Variants in CAMK2D observed in about 807,000 individuals in gnomAD.
CAMK2D encodes calcium/calmodulin dependent protein kinase II delta, also known as calcium/calmodulin-dependent protein kinase type II subunit delta.
Under a neutral mutation model 84.0 loss-of-function variants are expected in CAMK2D, and 37 were observed. The observed-to-expected ratio is 0.44, with a 90% confidence interval of 0.34 to 0.58. The LOEUF (loss-of-function observed/expected upper bound fraction) is 0.58. Among genes scored for constraint, CAMK2D ranks in the 20% least tolerant of loss-of-function variants. The probability of loss-of-function intolerance (pLI) is 0.02; values close to 1 mark genes in which losing one functional copy is unlikely to be tolerated. For missense variants in CAMK2D, 448 were observed against 652.5 expected, an observed-to-expected ratio of 0.69 and a Z score of 3.41; for synonymous variants, 202 against 212.5, an observed-to-expected ratio of 0.95 and a Z score of 0.43.
intron 2 of CAMK2D, among the ~76,000 whole-genome samples, chr4:113,719,624 C>T (rs1336145383): frequency 6.6e-6 from 1 of 152,174 alleles, no homozygotes; most frequent in African/African-American, 2.4e-5. Flanking sequence ...TAGCTAAATA[C>T]GTATGATTCA....
rs1031314380 is a variant in CAMK2D at position 113,455,732 on chromosome 4, C to T, written c.*23G>A. Reference sequence around the variant, plus strand: ...GGAGCAGGATGTTACTTACAAGACCCATATGTGAATGGTTTTCAGGCCTTA... The same window carrying T: ...GGAGCAGGATGTTACTTACAAGACCTATATGTGAATGGTTTTCAGGCCTTA... On this transcript the variant is annotated 3_prime_UTR_variant, in exon 20 of 21. Transcript: ENST00000511664. 1.3e-6 allele frequency: 2 copies of T among 1,585,270 alleles called. No individual in the cohort carries two copies. Among genetic ancestry groups the T allele is most frequent in the African/African-American group, 1.3e-5 (1 of 74,328 alleles).
chr4:113,718,768 A>G (rs538396874), intron 2 of CAMK2D, among the ~76,000 whole-genome samples: 175 of 152,342 alleles, frequency 1.1e-3, no homozygotes, highest in African/African-American at 3.7e-3. Context: ...TAGAAGCAAG[A>G]TAAGAGTTGG....
chr4:113,648,119 T>C (rs1419661274), intron 3 of CAMK2D, among the ~76,000 whole-genome samples: 1 of 152,222 alleles, frequency 6.6e-6, no homozygotes, highest in African/African-American at 2.4e-5. Context: ...TAAATTGATA[T>C]AACCCTATTT....
At chr4:113,552,388 A>C (rs1219174689) in intron 4 of CAMK2D, among the ~76,000 whole-genome samples, 3 of 152,202 alleles carry the variant, frequency 2.0e-5, no homozygotes, top group African/African-American at 7.2e-5. Context: ...TCAAATATTA[A>C]TGATATCTGA....
At chr4:113,621,561 G>C (rs1290167858) in intron 3 of CAMK2D, among the ~76,000 whole-genome samples, 3 of 152,066 alleles carry the variant, frequency 2.0e-5, no homozygotes, top group African/African-American at 7.2e-5. Flanking sequence ...TAAGCCAATG[G>C]GATAAATGAG....
intron 2 of CAMK2D, among the ~76,000 whole-genome samples, chr4:113,757,045 A>G (rs1054316839): frequency 8.5e-5 from 13 of 152,148 alleles, no homozygotes; most frequent in African/African-American, 3.1e-4. Context: ...CTGAATCCTC[A>G]GAACACCCCA....
At chr4:113,491,177 A>G (rs1251496458) in intron 16 of CAMK2D, among the ~76,000 whole-genome samples, 2 of 115,928 alleles carry the variant, frequency 1.7e-5, no homozygotes, top group African/African-American at 7.1e-5. Flanking sequence ...TTCCAACACT[A>G]TGTTGAATAG....
chr4:113,477,156 T>C (rs879846017), intron 16 of CAMK2D, among the ~76,000 whole-genome samples: 1 of 152,202 alleles, frequency 6.6e-6, no homozygotes, highest in African/African-American at 2.4e-5. Context: ...GAAGAATCCA[T>C]TGGGCTGTAC....
intron 4 of CAMK2D, among the ~76,000 whole-genome samples, chr4:113,594,399 C>A (rs1428186450): frequency 2.6e-5 from 4 of 152,134 alleles, no homozygotes; most frequent in African/African-American, 4.8e-5. Context: ...AGGGCAAAAA[C>A]ACAGTTTGAA....
intron 4 of CAMK2D, among the ~76,000 whole-genome samples, chr4:113,571,044 A>C (rs2098751022): frequency 6.6e-6 from 1 of 152,204 alleles, no homozygotes; most frequent in Non-Finnish European, 1.5e-5. Context: ...GTATGAAAAA[A>C]TGTTCAACAT....
chr4:113,502,202 T>C (rs2098057137), intron 15 of CAMK2D, among the ~76,000 whole-genome samples: 1 of 152,114 alleles, frequency 6.6e-6, no homozygotes, highest in South Asian at 2.1e-4. Flanking sequence ...TTTCATCCTA[T>C]AGACATGTAT....
intron 2 of CAMK2D, 37 bp from the exon 3 acceptor site, chr4:113,661,809 G>A: frequency 1.9e-6 from 2 of 1,058,224 alleles, no homozygotes; most frequent in Non-Finnish European, 2.8e-6. Flanking sequence ...CAAAAATAAA[G>A]CAAAAAATAA....
At chr4:113,625,343 C>G (rs2099063092) in intron 3 of CAMK2D, among the ~76,000 whole-genome samples, 1 of 151,900 alleles carries the variant, frequency 6.6e-6, no homozygotes, top group African/African-American at 2.4e-5. Context: ...CAATATTAAG[C>G]AAATATGTAA....
intron 4 of CAMK2D, among the ~76,000 whole-genome samples, chr4:113,578,177 T>G (rs552207656): frequency 6.6e-6 from 1 of 152,330 alleles, no homozygotes; most frequent in South Asian, 2.1e-4. Context: ...ATATTTCGGA[T>G]CATTTTCCCA....
chr4:113,497,912 A>G (rs901598740), intron 16 of CAMK2D, among the ~76,000 whole-genome samples: 1 of 152,244 alleles, frequency 6.6e-6, no homozygotes, highest in Non-Finnish European at 1.5e-5. Flanking sequence ...AATATGTCAA[A>G]AAGTGTGGTG....
rs560935496 is a variant in CAMK2D at position 113,746,436 on chromosome 4, A to T, written c.160+12884T>A. Among the ~76,000 whole-genome samples, 387 of 152,266 alleles carry T rather than the reference A, an allele frequency of 2.5e-3. 1 individual carries two copies. The highest frequency in any genetic ancestry group is 8.6e-3 in the African/African-American group (357 of 41,566). The stretch of plus-strand genomic sequence containing the variant: ...TGCCTCAGAGCCTCTTTATTATTTT[A>T]TCTTATTGGGAGATTATGGACATTA... On this transcript the variant is annotated intron_variant, in intron 2 of 20. Transcript: ENST00000511664.
chr4:113,525,390 A>C (rs573207700), intron 8 of CAMK2D, among the ~76,000 whole-genome samples: 6 of 152,344 alleles, frequency 3.9e-5, no homozygotes, highest in African/African-American at 1.4e-4. Context: ...GACATCCACA[A>C]ACATTTCCTC....
At chr4:113,541,625 G>A (rs2098530437) in intron 6 of CAMK2D, among the ~76,000 whole-genome samples, 1 of 152,046 alleles carries the variant, frequency 6.6e-6, no homozygotes, top group Non-Finnish European at 1.5e-5. Flanking sequence ...ATTATAAAAA[G>A]AGCAAATTAC....
intron 2 of CAMK2D, among the ~76,000 whole-genome samples, chr4:113,741,592 G>C (rs1165680909): frequency 6.6e-6 from 1 of 152,158 alleles, no homozygotes; most frequent in Non-Finnish European, 1.5e-5. Context: ...GACTACTATA[G>C]TCTTGCTTTC....
Sources: allele counts gnomAD v4.1 joint callset (sites outside exome capture counted in the v4.1 genomes callset), GRCh38; gene constraint gnomAD v4.1.1; transcripts MANE v1.5; gene names NCBI Gene and HGNC (gene_info 2026-07-23, HGNC 2026-07-21).